ARPC1A: variants seen among roughly 807,000 people sequenced by gnomAD.
ARPC1A encodes actin-related protein 2/3 complex subunit 1A.
In ARPC1A, 8 loss-of-function variants were observed where a neutral mutation model predicts 46.9. The ratio of observed to expected loss-of-function variants is 0.17; its 90% CI spans 0.10 to 0.31. The LOEUF (loss-of-function observed/expected upper bound fraction) is 0.31, where lower values mean the gene tolerates loss of function less well. Ranked by LOEUF, ARPC1A falls within the 10% of genes least tolerant of loss-of-function variation. The pLI, the probability that ARPC1A is intolerant of heterozygous loss-of-function variation, is 1.00. For missense variants in ARPC1A, 286 were observed against 483.6 expected, an observed-to-expected ratio of 0.59 and a Z score of 3.83; for synonymous variants, 152 against 169.0, an observed-to-expected ratio of 0.90 and a Z score of 0.78.
intron 3 of ARPC1A, among the ~76,000 whole-genome samples, chr7:99,340,644 A>G (rs1315959244): frequency 2.0e-5 from 3 of 152,174 alleles, no homozygotes; most frequent in African/African-American, 7.2e-5. Context: ...CATGTCGCCC[A>G]GGCTGATTTT....
At chr7:99,344,650 T>A (rs2150865646) in intron 4 of ARPC1A, 135 bp downstream of exon 4, 1 of 938,214 alleles carries the variant, frequency 1.1e-6, no homozygotes, top group Non-Finnish European at 1.6e-6. Flanking sequence ...CGATTCTGTC[T>A]GAGCATTTTC....
intron 4 of ARPC1A, among the ~76,000 whole-genome samples, chr7:99,347,622 TG>T (rs1793477083): frequency 6.6e-6 from 1 of 151,954 alleles, no homozygotes; most frequent in Non-Finnish European, 1.5e-5. Flanking sequence ...AAGAATTGCT[TG>T]AACACAGGAG....
rs953056692 is a variant in ARPC1A, at chr7:99,327,170, G to A, written c.-30+1166G>A. On this transcript the variant is annotated intron_variant, in intron 1 of 9. Transcript: ENST00000262942. The stretch of plus-strand genomic sequence containing the variant: ...GTGTTTTTGTCCTGTTAGGGAGTGG[G>A]TAACTGTGGTTGTTGTCTTCCTTTT... Among the ~76,000 whole-genome samples the A allele has an allele frequency of 2.0e-5, 3 of 151,742 alleles. No homozygotes were observed. In the East Asian group the frequency reaches 5.8e-4, roughly 29 times the overall value.
chr7:99,353,804 C>T, intron 5 of ARPC1A, 105 bp from the exon 6 acceptor site: 1 of 1,141,450 alleles, frequency 8.8e-7, no homozygotes, highest in Non-Finnish European at 1.3e-6. Flanking sequence ...TTTAATGAGT[C>T]AACCTCTTTG....
At chr7:99,347,132 C>G (rs762889063) in intron 4 of ARPC1A, among the ~76,000 whole-genome samples, 4 of 152,008 alleles carry the variant, frequency 2.6e-5, no homozygotes, top group Non-Finnish European at 4.4e-5. Context: ...TACAGTGGTA[C>G]AAACACGGCT....
At chr7:99,353,558 A>G (rs1263162531) in intron 5 of ARPC1A, among the ~76,000 whole-genome samples, 1 of 151,110 alleles carries the variant, frequency 6.6e-6, no homozygotes, top group Non-Finnish European at 1.5e-5. Flanking sequence ...GCTCACTGCA[A>G]CCTCTACCTC....
chr7:99,365,755 C>A, intron 9 of ARPC1A, 136 bp from the exon 10 acceptor site: 1 of 910,338 alleles, frequency 1.1e-6, no homozygotes, highest in Non-Finnish European at 1.7e-6. Context: ...CCTGGGAGAT[C>A]CTGTTTCAGG....
intron 9 of ARPC1A, among the ~76,000 whole-genome samples, chr7:99,363,913 T>C (rs1396460831): frequency 6.6e-6 from 1 of 152,148 alleles, no homozygotes; most frequent in East Asian, 1.9e-4. Context: ...TAGTATACAG[T>C]TTAATGTCCT....
intron 9 of ARPC1A, 46 bp from the exon 10 acceptor site, chr7:99,365,845 G>A (rs763793970): frequency 6.5e-7 from 1 of 1,542,072 alleles, no homozygotes; most frequent in East Asian, 2.4e-5. Context: ...CTACCTCGGG[G>A]TAGACACTCC....
intron 5 of ARPC1A, among the ~76,000 whole-genome samples, chr7:99,353,457 C>CTTAT (rs56733844): frequency 0.1 from 14,145 of 139,358 alleles, 980 homozygotes; most frequent in East Asian, 0.3. Context: ...CGCACCCAGC[C>CTTAT]TTATTTATTT....
intron 3 of ARPC1A, among the ~76,000 whole-genome samples, chr7:99,342,114 C>T (rs1464527300): frequency 1.3e-5 from 2 of 152,136 alleles, no homozygotes; most frequent in African/African-American, 4.8e-5. Context: ...TTATACCCAT[C>T]ACCTGCATTC....
At chr7:99,338,365 C>T in intron 3 of ARPC1A, 80 bp downstream of exon 3, 1 of 973,300 alleles carries the variant, frequency 1.0e-6, no homozygotes, top group Non-Finnish European at 1.4e-6. Flanking sequence ...CCTAATAAAC[C>T]CAGGTGGCCA....
rs188799446 is a variant in ARPC1A, at chr7:99,327,746, C to T, written c.-30+1742C>T. Among the ~76,000 whole-genome samples the T allele has an allele frequency of 5.3e-5, 8 of 152,256 alleles. No individual in the cohort carries two copies. In the East Asian group the frequency reaches 1.5e-3, roughly 29 times the overall value. On this transcript the variant is annotated intron_variant, in intron 1 of 9. Coordinates refer to ENST00000262942, the MANE Select transcript of ARPC1A (RefSeq NM_006409.4). Reference sequence around the variant, plus strand: ...GGACGCGGAGTGGTGATACTTTGATCTAGTTGTCTCATCCAATGCTGAAAC... The same window carrying T: ...GGACGCGGAGTGGTGATACTTTGATTTAGTTGTCTCATCCAATGCTGAAAC...
chr7:99,357,488 T>A (rs1004823300), intron 6 of ARPC1A, among the ~76,000 whole-genome samples: 61 of 139,766 alleles, frequency 4.4e-4, no homozygotes, highest in Middle Eastern at 3.6e-3. Context: ...TCTAGGCTAA[T>A]TTTTTTTTTT....
chr7:99,358,441 C>T (rs1166875163), intron 7 of ARPC1A, 26 bp downstream of exon 7: 10 of 1,597,288 alleles, frequency 6.3e-6, no homozygotes, highest in Admixed American at 1.7e-5. Flanking sequence ...CATTCTCCCT[C>T]GGGGTGCACT....
chr7:99,332,763 G>A (rs568912740), intron 1 of ARPC1A, among the ~76,000 whole-genome samples: 3 of 140,566 alleles, frequency 2.1e-5, no homozygotes, highest in Non-Finnish European at 3.2e-5. Flanking sequence ...TACCATGCCC[G>A]GCTAATTTTT....
At chr7:99,352,111 C>A (rs1005653505) in intron 5 of ARPC1A, among the ~76,000 whole-genome samples, 1 of 152,134 alleles carries the variant, frequency 6.6e-6, no homozygotes, top group Non-Finnish European at 1.5e-5. Flanking sequence ...TAGTTTGTTG[C>A]AGGGTGGCAA....
At chr7:99,327,378 T>G (rs1793063825) in intron 1 of ARPC1A, among the ~76,000 whole-genome samples, 1 of 152,070 alleles carries the variant, frequency 6.6e-6, no homozygotes. Context: ...TGGTGTGATC[T>G]TGGCTCACTG....
intron 1 of ARPC1A, among the ~76,000 whole-genome samples, chr7:99,330,698 C>T (rs1793131425): frequency 6.6e-6 from 1 of 152,204 alleles, no homozygotes; most frequent in Non-Finnish European, 1.5e-5. Context: ...TCATTGTTCA[C>T]TTTACAACCT....
Sources: gnomAD v4.1 joint callset for allele counts (sites outside exome capture counted in the v4.1 genomes callset) on GRCh38, gnomAD v4.1.1 for gene constraint, MANE v1.5 for transcripts, NCBI Gene and HGNC (gene_info 2026-07-23, HGNC 2026-07-21) for gene names.